The following COG6 variants were observed in gnomAD, a reference collection of about 807,000 sequenced individuals.
COG6 encodes the protein component of oligomeric golgi complex 6.
In COG6, 74 loss-of-function variants were observed where a neutral mutation model predicts 88.8. That is an observed-to-expected ratio of 0.83 (90% confidence interval 0.69 to 1.01). The LOEUF (loss-of-function observed/expected upper bound fraction) is 1.01, where lower values mean the gene tolerates loss of function less well. Ranked by LOEUF, COG6 falls within the 50% of genes least tolerant of loss-of-function variation. COG6 has a pLI of 0.00. For synonymous variants in COG6, 286 were observed against 278.7 expected, an observed-to-expected ratio of 1.03 and a Z score of -0.26; for missense variants, 800 against 797.9, an observed-to-expected ratio of 1.00 and a Z score of -0.03.
At chr13:39,695,375 G>A (rs990449324) in intron 12 of COG6, among the ~76,000 whole-genome samples, 11 of 151,636 alleles carry the variant, frequency 7.3e-5, no homozygotes, top group Middle Eastern at 3.2e-3. Flanking sequence ...TGGTATACCC[G>A]TGAGTTTTAT....
chr13:39,750,872 C>G, intron 18 of COG6, 74 bp from the exon 19 acceptor site: 1 of 1,144,102 alleles, frequency 8.7e-7, no homozygotes, highest in Non-Finnish European at 1.3e-6. Context: ...ATTGAAGTGT[C>G]AAGCTGTCTT....
At chr13:39,677,978 C>A in intron 5 of COG6, 1 of 378,120 alleles carries the variant, frequency 2.6e-6, no homozygotes, top group Non-Finnish European at 5.1e-6. Context: ...TCTACCCACT[C>A]TGTCTCCTCC....
At position 39,719,291 on chromosome 13, in the gene COG6, T is replaced by C. The variant is rs41286961; in HGVS notation, c.1340T>C (p.Met447Thr). The change falls in exon 14 of 19, where the codon ATG (methionine) becomes ACG (threonine). Residue 447 changes from methionine to threonine, a missense_variant. Transcript: ENST00000455146. Reference protein sequence around the residue: ...GPSSALNQTLMLLREVLASHD... With the variant: ...GPSSALNQTLTLLREVLASHD... ...AGTTCTGCACTAAATCAGACACTCA[T>C]GTTGCTGCGTGAAGTTTTAGCATCT... 0.056 allele frequency: 89,763 copies of C among 1,612,648 alleles called. 2,794 individuals carry two copies. The highest frequency in any genetic ancestry group is 0.081 in the South Asian group (7,419 of 91,062).
At chr13:39,772,002 C>A (rs891162019) in intron 18 of COG6, among the ~76,000 whole-genome samples, 3 of 152,168 alleles carry the variant, frequency 2.0e-5, no homozygotes, top group Non-Finnish European at 2.9e-5. Flanking sequence ...AACTTCCTCC[C>A]AAATTAAGTA....
At chr13:39,740,196 A>C (rs1879973976) in intron 18 of COG6, among the ~76,000 whole-genome samples, 2 of 152,258 alleles carry the variant, frequency 1.3e-5, no homozygotes, top group South Asian at 2.1e-4. Flanking sequence ...CAAAATTCTC[A>C]TGGAATCATT....
At chr13:39,779,829 T>C (rs1881575607) in intron 18 of COG6, among the ~76,000 whole-genome samples, 2 of 152,186 alleles carry the variant, frequency 1.3e-5, no homozygotes, top group African/African-American at 2.4e-5. Context: ...CCTCTGAGAA[T>C]TGAGGTATCA....
intron 12 of COG6, among the ~76,000 whole-genome samples, chr13:39,697,705 T>C (rs1465090760): frequency 6.6e-6 from 1 of 151,980 alleles, no homozygotes; most frequent in East Asian, 1.9e-4. Flanking sequence ...CCAGTCTAGA[T>C]GTGTTGCCCT....
intron 12 of COG6, among the ~76,000 whole-genome samples, chr13:39,695,132 A>G (rs1329458385): frequency 5.9e-5 from 9 of 151,754 alleles, no homozygotes; most frequent in Non-Finnish European, 7.4e-5. Flanking sequence ...TTCTGGATGT[A>G]AATAACCTAC....
chr13:39,745,950 G>A (rs1211450184), intron 18 of COG6, among the ~76,000 whole-genome samples: 1 of 152,038 alleles, frequency 6.6e-6, no homozygotes. Context: ...GGATACTGCT[G>A]GAAACCATCA....
intron 18 of COG6, among the ~76,000 whole-genome samples, chr13:39,740,360 C>T (rs905234120): frequency 6.6e-6 from 1 of 152,204 alleles, no homozygotes; most frequent in African/African-American, 2.4e-5. Context: ...CTCTCCACCA[C>T]CATCCACCCA....
In COG6 at chr13:39,743,012, C is replaced by T. The variant is rs184595663; in HGVS notation, c.1827-7934C>T. 4.6e-5 allele frequency among the ~76,000 whole-genome samples: 7 copies of T among 152,176 alleles called. No individual in the cohort carries two copies. In the East Asian group the frequency reaches 1.4e-3, roughly 29 times the overall value. On this transcript the variant is annotated intron_variant, in intron 18 of 18. Transcript: ENST00000455146. ...CCTGCTCCTGAATGACTACTGGGTA[C>T]ATAACGAAATCAAGGCAGAAATAAA...
At chr13:39,656,561 C>T (rs1163613887) in intron 1 of COG6, among the ~76,000 whole-genome samples, 2 of 151,950 alleles carry the variant, frequency 1.3e-5, no homozygotes. Context: ...TCTCTTCTGT[C>T]TCTGTGGGTC....
intron 18 of COG6, among the ~76,000 whole-genome samples, chr13:39,774,040 G>A (rs1881394564): frequency 6.6e-6 from 1 of 152,136 alleles, no homozygotes; most frequent in African/African-American, 2.4e-5. Context: ...CACAGATCAG[G>A]ATGGTCAAAT....
intron 18 of COG6, among the ~76,000 whole-genome samples, chr13:39,769,784 T>A (rs571724560): frequency 0.015 from 2,292 of 151,946 alleles, 68 homozygotes; most frequent in African/African-American, 0.052. Context: ...CATGAAAGGG[T>A]TTTGTGCCCT....
chr13:39,661,619 C>G (rs1472243643), intron 3 of COG6, among the ~76,000 whole-genome samples: 1 of 151,920 alleles, frequency 6.6e-6, no homozygotes, highest in Non-Finnish European at 1.5e-5. Flanking sequence ...CTGGTCTTGT[C>G]TAAATTTTGA....
At position 39,751,405 on chromosome 13, in the gene COG6, T is replaced by G; in HGVS notation, c.*312T>G. On this transcript the variant is annotated 3_prime_UTR_variant, in exon 19 of 19. Coordinates refer to ENST00000455146, the MANE Select transcript of COG6 (RefSeq NM_020751.3). ...AGTATGAAAGGTTTGAAGAATTTTT[T>G]TTTACAAGACTAGTTCTAAATTAAC... 7.6e-7 allele frequency: 1 copy of G among 1,323,476 alleles called. No homozygotes were observed. Among genetic ancestry groups the G allele is most frequent in the South Asian group, 1.3e-5 (1 of 79,544 alleles). 82.0% of individuals were successfully genotyped at this position (1,323,476 alleles called of 1,614,324 possible). A position where few individuals can be genotyped will look rare whatever the true frequency, so the allele number is the denominator to read the frequency against.
chr13:39,661,532 C>T (rs1874898148), intron 3 of COG6, among the ~76,000 whole-genome samples: 1 of 152,132 alleles, frequency 6.6e-6, no homozygotes, highest in South Asian at 2.1e-4. Context: ...GCATATTCTA[C>T]AGATTAATCA....
At chr13:39,744,370 A>C (rs1880218506) in intron 18 of COG6, among the ~76,000 whole-genome samples, 1 of 152,214 alleles carries the variant, frequency 6.6e-6, no homozygotes, top group Admixed American at 6.5e-5. Context: ...TTCCCAGCCC[A>C]AAATCTCCTT....
At chr13:39,664,595 G>A (rs1875125443) in intron 3 of COG6, among the ~76,000 whole-genome samples, 1 of 152,154 alleles carries the variant, frequency 6.6e-6, no homozygotes, top group Admixed American at 6.6e-5. Context: ...TCCTTTAGAT[G>A]GGGCTAGCTC....
Sources: allele counts gnomAD v4.1 joint callset (sites outside exome capture counted in the v4.1 genomes callset), GRCh38; gene constraint gnomAD v4.1.1; transcripts MANE v1.5; gene names NCBI Gene and HGNC (gene_info 2026-07-23, HGNC 2026-07-21).